WDR70: variants seen among roughly 807,000 people sequenced by gnomAD.
WDR70 encodes the protein WD repeat domain 70.
A neutral mutation model predicts 88.6 loss-of-function variants in WDR70; 53 were observed. The observed-to-expected ratio is 0.60, with a 90% CI of 0.48 to 0.75. The LOEUF (loss-of-function observed/expected upper bound fraction) is 0.75. Ranked by LOEUF, WDR70 falls within the 30% of genes least tolerant of loss-of-function variation. The pLI is 0.00. For synonymous variants in WDR70, 280 were observed against 270.0 expected (o/e 1.04, Z -0.36); for missense variants, 610 against 823.2 (o/e 0.74, Z 3.17).
At chr5:37,585,820 A>G (rs183391488) in intron 9 of WDR70, among the ~76,000 whole-genome samples, 1 of 152,142 alleles carries the variant, frequency 6.6e-6, no homozygotes, top group East Asian at 1.9e-4. Flanking sequence ...CCCCCTTACT[A>G]GTGTTATCTG....
At chr5:37,472,016 G>A (rs564579050) in intron 7 of WDR70, among the ~76,000 whole-genome samples, 1 of 151,762 alleles carries the variant, frequency 6.6e-6, no homozygotes, top group African/African-American at 2.4e-5. Context: ...CATTAAGGAA[G>A]ATATTTGTTA....
chr5:37,742,626 T>C (rs1294633903), intron 17 of WDR70, among the ~76,000 whole-genome samples: 1 of 152,222 alleles, frequency 6.6e-6, no homozygotes, highest in Non-Finnish European at 1.5e-5. Context: ...TGTCTGTGCT[T>C]TTGGAATCAT....
At chr5:37,535,101 T>C (rs1230483544) in intron 9 of WDR70, among the ~76,000 whole-genome samples, 1 of 152,080 alleles carries the variant, frequency 6.6e-6, no homozygotes. Flanking sequence ...CAGCTAGTAA[T>C]AAATAAATAA....
intron 9 of WDR70, among the ~76,000 whole-genome samples, chr5:37,560,083 G>A (rs1742454865): frequency 1.3e-5 from 2 of 151,962 alleles, no homozygotes; most frequent in Admixed American, 1.3e-4. Context: ...TGATATTTTA[G>A]TTAGCCAACT....
At chr5:37,561,786 A>T (rs150055441) in intron 9 of WDR70, among the ~76,000 whole-genome samples, 55 of 152,346 alleles carry the variant, frequency 3.6e-4, no homozygotes, top group African/African-American at 1.3e-3. Flanking sequence ...AGTAAATTAG[A>T]AAGGTTCTCT....
intron 10 of WDR70, among the ~76,000 whole-genome samples, chr5:37,665,426 G>T (rs60556806): frequency 6.6e-6 from 1 of 152,098 alleles, no homozygotes; most frequent in Non-Finnish European, 1.5e-5. Context: ...CAGCACATTG[G>T]TAATGTTTAT....
At chr5:37,471,777 T>G (rs1739332768) in intron 7 of WDR70, among the ~76,000 whole-genome samples, 1 of 152,050 alleles carries the variant, frequency 6.6e-6, no homozygotes, top group Non-Finnish European at 1.5e-5. Flanking sequence ...TGGAATTGAT[T>G]TTTATGTGTG....
chr5:37,381,031 T>G (rs1748408834), intron 2 of WDR70, among the ~76,000 whole-genome samples: 2 of 152,114 alleles, frequency 1.3e-5, no homozygotes, highest in South Asian at 4.2e-4. Flanking sequence ...ATTTTAAGAG[T>G]TTTGATAAAG....
intron 3 of WDR70, 25 bp from the exon 4 acceptor site, chr5:37,391,975 G>A: frequency 6.3e-7 from 1 of 1,578,464 alleles, no homozygotes; most frequent in Non-Finnish European, 8.6e-7. Context: ...GGATTTTTTT[G>A]TTAATCTTTT....
chr5:37,603,964 C>T (rs1305512510), intron 9 of WDR70, among the ~76,000 whole-genome samples: 2 of 152,102 alleles, frequency 1.3e-5, no homozygotes, highest in Non-Finnish European at 2.9e-5. Flanking sequence ...ATACATTTTA[C>T]TTGGACATGG....
chr5:37,675,536 A>G (rs1220767489), intron 10 of WDR70, among the ~76,000 whole-genome samples: 1 of 152,070 alleles, frequency 6.6e-6, no homozygotes, highest in Non-Finnish European at 1.5e-5. Flanking sequence ...CAAAGATCAG[A>G]TAGTTGTAGA....
At chr5:37,390,774 T>C (rs1238157421) in intron 3 of WDR70, among the ~76,000 whole-genome samples, 2 of 148,324 alleles carry the variant, frequency 1.3e-5, no homozygotes, top group Non-Finnish European at 3.0e-5. Context: ...TGGAGTGCAA[T>C]GGCGCAATCT....
intron 2 of WDR70, among the ~76,000 whole-genome samples, chr5:37,379,803 A>G (rs946272101): frequency 9.9e-5 from 15 of 152,222 alleles, no homozygotes; most frequent in African/African-American, 3.6e-4. Flanking sequence ...GTCACCAATA[A>G]TGCTAAAATG....
chr5:37,582,613 C>G (rs1389971646), intron 9 of WDR70, among the ~76,000 whole-genome samples: 1 of 152,226 alleles, frequency 6.6e-6, no homozygotes, highest in Non-Finnish European at 1.5e-5. Flanking sequence ...CTCACATCAT[C>G]TCTCAAATGG....
chr5:37,636,320 A>C (rs1190392971), intron 10 of WDR70, among the ~76,000 whole-genome samples: 1 of 152,248 alleles, frequency 6.6e-6, no homozygotes. Context: ...TCTTCCTTAC[A>C]GTATAATTCC....
At chr5:37,551,192 C>T (rs1448642492) in intron 9 of WDR70, among the ~76,000 whole-genome samples, 2 of 151,806 alleles carry the variant, frequency 1.3e-5, no homozygotes, top group Non-Finnish European at 2.9e-5. Context: ...GTAGTCCCAG[C>T]TGCTCAGGAG....
chr5:37,664,264 A>C (rs1275946714), intron 10 of WDR70, among the ~76,000 whole-genome samples: 1 of 152,218 alleles, frequency 6.6e-6, no homozygotes, highest in Non-Finnish European at 1.5e-5. Context: ...AAATCCCTTC[A>C]AAAAATCAAC....
intron 10 of WDR70, among the ~76,000 whole-genome samples, chr5:37,651,722 T>A (rs967064395): frequency 1.3e-5 from 2 of 152,242 alleles, no homozygotes; most frequent in Admixed American, 6.5e-5. Context: ...TGATGAGGTT[T>A]TTTTCATATG....
At chr5:37,686,724 T>C (rs982574009) in intron 10 of WDR70, among the ~76,000 whole-genome samples, 5 of 151,962 alleles carry the variant, frequency 3.3e-5, no homozygotes, top group Non-Finnish European at 7.4e-5. Context: ...GACCATCTGC[T>C]GAGAAAAGAG....
Sources: gnomAD v4.1 joint callset for allele counts (sites outside exome capture counted in the v4.1 genomes callset) on GRCh38, gnomAD v4.1.1 for gene constraint, MANE v1.5 for transcripts, NCBI Gene and HGNC (gene_info 2026-07-23, HGNC 2026-07-21) for gene names.